Variants in TSHZ2 observed in about 807,000 individuals in gnomAD.
TSHZ2 encodes the protein teashirt zinc finger homeobox 2.
A neutral mutation model predicts 74.4 loss-of-function variants in TSHZ2; 21 were observed. The observed-to-expected ratio is 0.28, with a 90% CI of 0.20 to 0.41. The LOEUF (loss-of-function observed/expected upper bound fraction) is 0.41. TSHZ2 is among the 10% of genes least tolerant of loss of function. The probability of loss-of-function intolerance (pLI) is 1.00; values close to 1 mark genes in which losing one functional copy is unlikely to be tolerated. For synonymous variants in TSHZ2, 540 were observed against 515.3 expected (o/e 1.05, Z -0.65); for missense variants, 1,244 against 1,293.5 (o/e 0.96, Z 0.59).
chr20:53,235,625 C>T (rs1256756432), intron 1 of TSHZ2, among the ~76,000 whole-genome samples: 1 of 152,166 alleles, frequency 6.6e-6, no homozygotes. Context: ...ACCAGGCACA[C>T]AGTAGGTACT....
At chr20:53,458,259 G>A (rs1052731727) in intron 2 of TSHZ2, among the ~76,000 whole-genome samples, 7 of 149,018 alleles carry the variant, frequency 4.7e-5, no homozygotes, top group Non-Finnish European at 1.0e-4. Flanking sequence ...TCTATTCAGA[G>A]ATTCAACTTC....
At chr20:53,177,385 C>A (rs560088453) in intron 1 of TSHZ2, among the ~76,000 whole-genome samples, 1 of 152,266 alleles carries the variant, frequency 6.6e-6, no homozygotes, top group East Asian at 1.9e-4. Context: ...TTTTAATGTG[C>A]GTATGAATCT....
intron 1 of TSHZ2, among the ~76,000 whole-genome samples, chr20:53,154,823 A>G (rs1429556052): frequency 6.6e-6 from 1 of 152,186 alleles, no homozygotes; most frequent in Non-Finnish European, 1.5e-5. Flanking sequence ...TAAAGCACAT[A>G]GCATAGTATC....
At chr20:53,436,142 T>G (rs1984056374) in intron 2 of TSHZ2, among the ~76,000 whole-genome samples, 1 of 152,302 alleles carries the variant, frequency 6.6e-6, no homozygotes, top group East Asian at 1.9e-4. Context: ...GGCTGTTTTT[T>G]GTGCTTCCAC....
At chr20:53,251,182 CAT>C (rs1450461569) in intron 1 of TSHZ2, among the ~76,000 whole-genome samples, 1 of 152,140 alleles carries the variant, frequency 6.6e-6, no homozygotes, top group Non-Finnish European at 1.5e-5. Context: ...GGTGTTGTCA[CAT>C]GTCTTAGTTG....
chr20:53,181,284 C>T (rs563427409), intron 1 of TSHZ2, among the ~76,000 whole-genome samples: 114 of 152,260 alleles, frequency 7.5e-4, no homozygotes, highest in African/African-American at 2.5e-3. Flanking sequence ...CAATAGACTC[C>T]GCAGGGAAAG....
chr20:52,994,445 A>AATGGATGGATGGATGGATGG (rs377657785), intron 1 of TSHZ2, among the ~76,000 whole-genome samples: 56 of 151,596 alleles, frequency 3.7e-4, no homozygotes, highest in African/African-American at 9.2e-4. Context: ...TGAGTGAATG[A>AATGGATGGATGGATGGATGG]ATGGACGGAT....
intron 1 of TSHZ2, among the ~76,000 whole-genome samples, chr20:53,175,436 T>C (rs1326787021): frequency 6.6e-6 from 1 of 152,106 alleles, no homozygotes; most frequent in East Asian, 1.9e-4. Flanking sequence ...CCATTGCACC[T>C]GGCCCCCTGG....
chr20:53,235,523 A>G (rs1052845148), intron 1 of TSHZ2, among the ~76,000 whole-genome samples: 2 of 152,172 alleles, frequency 1.3e-5, no homozygotes, highest in Non-Finnish European at 2.9e-5. Flanking sequence ...AGCCACTTTC[A>G]TCTCTTCTGC....
At chr20:53,124,954 A>T (rs1452338573) in intron 1 of TSHZ2, among the ~76,000 whole-genome samples, 2 of 152,214 alleles carry the variant, frequency 1.3e-5, no homozygotes, top group African/African-American at 4.8e-5. Context: ...TGTTGAGAGG[A>T]AGTAGCCATA....
chr20:53,206,670 G>C lies in TSHZ2; in HGVS notation c.41-46829G>C, dbSNP rs1030481431. ...GGGTAGTGGCAGTTGCAAGAAGTCT[G>C]GTCCATTTTTCTACCTTTCACACTG... On this transcript the variant is annotated intron_variant, in intron 1 of 2. Transcript: ENST00000371497. 3 of 152,070 alleles carry C rather than the reference G, an allele frequency of 2.0e-5. No individual in the cohort carries two copies. In the East Asian group the frequency reaches 5.8e-4, roughly 29 times the overall value. 9.4% of individuals were successfully genotyped at this position (152,070 alleles called of 1,614,324 possible). A position where few individuals can be genotyped will look rare whatever the true frequency, so the allele number is the denominator to read the frequency against.
intron 2 of TSHZ2, among the ~76,000 whole-genome samples, chr20:53,416,063 T>C (rs578227310): frequency 1.5e-4 from 23 of 152,182 alleles, no homozygotes; most frequent in African/African-American, 5.3e-4. Flanking sequence ...CTCTGCAATT[T>C]AGGAGGGTTG....
chr20:53,202,493 G>A (rs760813341), intron 1 of TSHZ2, among the ~76,000 whole-genome samples: 36 of 152,014 alleles, frequency 2.4e-4, no homozygotes, highest in Middle Eastern at 3.2e-3. Context: ...AGAATTTAGC[G>A]AACACTTACT....
At chr20:53,398,648 G>A (rs1407728843) in intron 2 of TSHZ2, 1 of 152,328 alleles carries the variant, frequency 6.6e-6, no homozygotes, top group African/African-American at 2.4e-5. Flanking sequence ...AGCTACTCAG[G>A]AGGCTGAGGT....
chr20:53,393,189 G>A (rs1982325021), intron 2 of TSHZ2, among the ~76,000 whole-genome samples: 1 of 152,106 alleles, frequency 6.6e-6, no homozygotes, highest in Non-Finnish European at 1.5e-5. Flanking sequence ...ATGCTTCGAT[G>A]TCTATTGTCT....
intron 1 of TSHZ2, among the ~76,000 whole-genome samples, chr20:52,978,481 G>A (rs6068415): frequency 6.6e-6 from 1 of 152,090 alleles, no homozygotes; most frequent in Admixed American, 6.5e-5. Context: ...CTATTTCGAA[G>A]GCAATGCCTG....
intron 1 of TSHZ2, among the ~76,000 whole-genome samples, chr20:53,075,601 A>G (rs1033508738): frequency 7.2e-5 from 11 of 152,218 alleles, no homozygotes; most frequent in African/African-American, 2.7e-4. Context: ...GAGTTTGGAT[A>G]GTATGTTCTA....
At chr20:53,290,527 T>C (rs1991259400) in intron 2 of TSHZ2, among the ~76,000 whole-genome samples, 1 of 152,226 alleles carries the variant, frequency 6.6e-6, no homozygotes, top group Non-Finnish European at 1.5e-5. Flanking sequence ...TCACTGTTTA[T>C]TGGGGAATAA....
intron 1 of TSHZ2, among the ~76,000 whole-genome samples, chr20:53,249,851 G>C (rs1311362393): frequency 6.6e-6 from 1 of 152,196 alleles, no homozygotes; most frequent in East Asian, 1.9e-4. Flanking sequence ...AGTTAAAAGA[G>C]AGGGCTGTCA....
Sources: allele counts gnomAD v4.1 joint callset (sites outside exome capture counted in the v4.1 genomes callset), GRCh38; gene constraint gnomAD v4.1.1; transcripts MANE v1.5; gene names NCBI Gene and HGNC (gene_info 2026-07-23, HGNC 2026-07-21).